The following ST18 variants were observed in gnomAD, a reference collection of about 807,000 sequenced individuals.
The protein encoded by ST18 is ST18 C2H2C-type zinc finger transcription factor, also known as suppression of tumorigenicity 18 protein.
Under a neutral mutation model 110.0 loss-of-function variants are expected in ST18, and 50 were observed. The observed-to-expected ratio is 0.45, with a 90% CI of 0.36 to 0.58. ST18 has a LOEUF of 0.58. Among genes scored for constraint, ST18 ranks in the 20% least tolerant of loss-of-function variants. The pLI, the probability that ST18 is intolerant of heterozygous loss-of-function variation, is 0.00. For synonymous variants in ST18, 461 were observed against 452.4 expected (o/e 1.02, Z -0.24); for missense variants, 1,306 against 1,280.1 (o/e 1.02, Z -0.31).
chr8:52,351,532 T>C (rs991128613), intron 2 of ST18, among the ~76,000 whole-genome samples: 1 of 152,240 alleles, frequency 6.6e-6, no homozygotes, highest in African/African-American at 2.4e-5. Flanking sequence ...TGAACTCTCA[T>C]GACATAACAG....
intron 2 of ST18, among the ~76,000 whole-genome samples, chr8:52,234,698 C>T (rs2092320500): frequency 6.6e-6 from 1 of 151,104 alleles, no homozygotes; most frequent in Non-Finnish European, 1.5e-5. Context: ...CCCAAATGTC[C>T]ATCAATCAAC....
At chr8:52,116,004 C>T (rs992392208) in intron 25 of ST18, among the ~76,000 whole-genome samples, 9 of 152,126 alleles carry the variant, frequency 5.9e-5, no homozygotes, top group African/African-American at 1.7e-4. Context: ...TCAACTTTCA[C>T]ATGACATTGT....
chr8:52,254,380 A>G (rs964825035), intron 2 of ST18: 6 of 152,158 alleles, frequency 3.9e-5, no homozygotes, highest in African/African-American at 1.4e-4. Flanking sequence ...AGAGATAAGC[A>G]CCTGCGTTTG....
At chr8:52,263,254 C>T (rs1039263403) in intron 2 of ST18, among the ~76,000 whole-genome samples, 1 of 152,212 alleles carries the variant, frequency 6.6e-6, no homozygotes, top group Admixed American at 6.5e-5. Flanking sequence ...CCATCTAAAC[C>T]ATCTCCCAGG....
At chr8:52,270,445 C>A (rs2095037446) in intron 2 of ST18, among the ~76,000 whole-genome samples, 1 of 152,136 alleles carries the variant, frequency 6.6e-6, no homozygotes, top group South Asian at 2.1e-4. Context: ...TGAGAACACT[C>A]ACGATCTTCC....
intron 2 of ST18, among the ~76,000 whole-genome samples, chr8:52,312,802 G>A (rs1275275110): frequency 3.9e-5 from 6 of 152,144 alleles, no homozygotes; most frequent in African/African-American, 7.2e-5. Context: ...TGCTGCCTTG[G>A]CCACCTGAGC....
chr8:52,189,312 G>A (rs138156501), intron 8 of ST18, among the ~76,000 whole-genome samples: 6 of 152,312 alleles, frequency 3.9e-5, no homozygotes, highest in African/African-American at 9.6e-5. Context: ...ACTTGGATAA[G>A]GGAAAGTTGA....
Position 52,148,591 on chromosome 8 carries a change from C to A in ST18, c.2052+1141G>T, listed in dbSNP as rs151137363. Among the ~76,000 whole-genome samples, 440 of 151,582 alleles carry A rather than the reference C, an allele frequency of 2.9e-3. 1 individual carries two copies. The highest frequency in any genetic ancestry group is 4.9e-3 in the Non-Finnish European group (330 of 67,962). The stretch of plus-strand genomic sequence containing the variant: ...TGGTGGAAGTGTGTCCTATTCATTG[C>A]TGTATCTCCAGGTCCCATGTCACTG... On this transcript the variant is annotated intron_variant, in intron 16 of 25. Coordinates refer to ENST00000689386, the MANE Select transcript of ST18 (RefSeq NM_001352837.2).
chr8:52,287,666 A>G (rs1433123577), intron 2 of ST18, among the ~76,000 whole-genome samples: 2 of 152,206 alleles, frequency 1.3e-5, no homozygotes, highest in Non-Finnish European at 2.9e-5. Context: ...ACAACCAAGT[A>G]ACCCCCAAGC....
intron 2 of ST18, among the ~76,000 whole-genome samples, chr8:52,244,710 C>T (rs1423181091): frequency 1.3e-5 from 2 of 152,142 alleles, no homozygotes; most frequent in East Asian, 1.9e-4. Context: ...GAAATAGAGT[C>T]CCAAGGGCAC....
intron 2 of ST18, among the ~76,000 whole-genome samples, chr8:52,295,162 T>A (rs2095612895): frequency 6.6e-6 from 1 of 152,268 alleles, no homozygotes; most frequent in South Asian, 2.1e-4. Context: ...CACTTTTTTC[T>A]TTTTTTCACA....
At chr8:52,198,588 C>T (rs2135362222) in intron 8 of ST18, among the ~76,000 whole-genome samples, 1 of 152,280 alleles carries the variant, frequency 6.6e-6, no homozygotes, top group African/African-American at 2.4e-5. Flanking sequence ...CCATGTGTTA[C>T]AGTAGTCATG....
chr8:52,248,959 T>C (rs540087963), intron 2 of ST18, among the ~76,000 whole-genome samples: 2 of 152,280 alleles, frequency 1.3e-5, no homozygotes, highest in African/African-American at 4.8e-5. Context: ...ACTGCTCACA[T>C]GCATGCCCCA....
intron 12 of ST18, 63 bp from the exon 13 acceptor site, chr8:52,164,153 T>C: frequency 7.2e-7 from 1 of 1,393,758 alleles, no homozygotes; most frequent in Non-Finnish European, 1.0e-6. Flanking sequence ...TGTTTTGGCA[T>C]GTGCCTCACA....
chr8:52,300,495 C>T (rs1215719421), intron 2 of ST18, among the ~76,000 whole-genome samples: 1 of 152,096 alleles, frequency 6.6e-6, no homozygotes, highest in African/African-American at 2.4e-5. Context: ...TTCGTTTTTG[C>T]TTTTTGCCCA....
At chr8:52,315,380 C>G (rs2096005527) in intron 2 of ST18, among the ~76,000 whole-genome samples, 1 of 152,142 alleles carries the variant, frequency 6.6e-6, no homozygotes, top group Non-Finnish European at 1.5e-5. Flanking sequence ...GTGACATCAC[C>G]AAGGCAGCAG....
chr8:52,373,443 C>T (rs1010945518), intron 2 of ST18, among the ~76,000 whole-genome samples: 1 of 152,080 alleles, frequency 6.6e-6, no homozygotes, highest in Non-Finnish European at 1.5e-5. Context: ...CATGTGCAGG[C>T]GATGCTTCCC....
intron 2 of ST18, among the ~76,000 whole-genome samples, chr8:52,316,807 A>C (rs1008403865): frequency 1.1e-4 from 17 of 152,216 alleles, no homozygotes; most frequent in African/African-American, 4.1e-4. Flanking sequence ...AATATATTAC[A>C]TCTTTAAACT....
chr8:52,136,901 C>T (rs1396960648), intron 18 of ST18, among the ~76,000 whole-genome samples: 1 of 152,128 alleles, frequency 6.6e-6, no homozygotes, highest in South Asian at 2.1e-4. Context: ...ATGAGACCCC[C>T]CAACTCTAAA....
Sources: gnomAD v4.1 joint callset for allele counts (sites outside exome capture counted in the v4.1 genomes callset) on GRCh38, gnomAD v4.1.1 for gene constraint, MANE v1.5 for transcripts, NCBI Gene and HGNC (gene_info 2026-07-23, HGNC 2026-07-21) for gene names.